GALNT14: variants seen among roughly 807,000 people sequenced by gnomAD.
The protein encoded by GALNT14 is UDP-GalNAc:polypeptide N-acetylgalactosaminyltransferase 14.
Under a neutral mutation model 77.5 loss-of-function variants are expected in GALNT14, and 60 were observed. The ratio of observed to expected loss-of-function variants is 0.77; its 90% CI spans 0.63 to 0.96. The LOEUF (loss-of-function observed/expected upper bound fraction) is 0.96, where lower values mean the gene tolerates loss of function less well. Ranked by LOEUF, GALNT14 falls within the 40% of genes least tolerant of loss-of-function variation. The pLI is 0.00. For missense variants in GALNT14, 710 were observed against 731.0 expected (o/e 0.97, Z 0.33); for synonymous variants, 280 against 281.7 (o/e 0.99, Z 0.06).
intron 11 of GALNT14, among the ~76,000 whole-genome samples, chr2:30,926,662 G>T (rs922703388): frequency 6.6e-6 from 1 of 151,902 alleles, no homozygotes; most frequent in Non-Finnish European, 1.5e-5. Context: ...CCTGCAAATG[G>T]GACCAAGCAA....
At chr2:31,031,699 C>T (rs559225546) in intron 1 of GALNT14, among the ~76,000 whole-genome samples, 2 of 152,246 alleles carry the variant, frequency 1.3e-5, no homozygotes, top group East Asian at 3.9e-4. Context: ...AAAATAAGAG[C>T]CTTTAAGTGC....
chr2:31,041,930 G>T (rs1407252609), intron 1 of GALNT14, among the ~76,000 whole-genome samples: 1 of 152,142 alleles, frequency 6.6e-6, no homozygotes, highest in Non-Finnish European at 1.5e-5. Context: ...AGAGAAACTT[G>T]ATGTTTCAGG....
In GALNT14 at chr2:30,957,621, G is replaced by A. The variant is rs559031904; in HGVS notation, c.466+776C>T. On this transcript the variant is annotated intron_variant, in intron 4 of 14. Transcript: ENST00000349752. Reference sequence around the variant, plus strand: ...CCAGAGGTTCTGAGGCAGCACCAATGGGTAGGGGTTTCCAGCCTTCGTACA... The same window carrying A: ...CCAGAGGTTCTGAGGCAGCACCAATAGGTAGGGGTTTCCAGCCTTCGTACA... Among the ~76,000 whole-genome samples, 6 of 152,302 alleles carry A rather than the reference G, an allele frequency of 3.9e-5. No individual in the cohort carries two copies. The East Asian group carries it at 1.2e-3, about 29-fold the overall frequency.
chr2:30,887,000 G>A, the GALNT14 span, among the ~76,000 whole-genome samples: 3 of 152,216 alleles, frequency 2.0e-5, no homozygotes, highest in African/African-American at 7.2e-5. Context: ...CATACAATAT[G>A]AGACCTTAGC....
intron 3 of GALNT14, among the ~76,000 whole-genome samples, chr2:30,964,245 G>A (rs1300703362): frequency 2.0e-5 from 3 of 152,154 alleles, no homozygotes; most frequent in Non-Finnish European, 4.4e-5. Flanking sequence ...CCACCATGGC[G>A]GTGGGGAAGG....
intron 6 of GALNT14, among the ~76,000 whole-genome samples, chr2:30,952,073 C>T (rs372606115): frequency 6.6e-5 from 10 of 152,162 alleles, no homozygotes; most frequent in African/African-American, 2.4e-4. Context: ...GCCATTCTCT[C>T]GGCAAGGAGC....
intron 1 of GALNT14, among the ~76,000 whole-genome samples, chr2:31,076,538 A>G (rs1385873564): frequency 1.3e-5 from 2 of 152,024 alleles, no homozygotes. Context: ...TGAGGTCACC[A>G]ACATTTCCAT....
chr2:30,901,324 A>G, the GALNT14 span, among the ~76,000 whole-genome samples: 1 of 152,074 alleles, frequency 6.6e-6, no homozygotes, highest in Non-Finnish European at 1.5e-5. Flanking sequence ...TCAGCCACCC[A>G]TATTGAGCTC....
intron 1 of GALNT14, among the ~76,000 whole-genome samples, chr2:31,102,744 A>G (rs1289221015): frequency 1.3e-5 from 2 of 152,264 alleles, no homozygotes; most frequent in East Asian, 3.9e-4. Context: ...CATGTAAATT[A>G]AAGTGATCCG....
intron 1 of GALNT14, among the ~76,000 whole-genome samples, chr2:31,058,384 C>T (rs1295028632): frequency 6.6e-6 from 1 of 151,736 alleles, no homozygotes; most frequent in Non-Finnish European, 1.5e-5. Context: ...CTCGGTGAGT[C>T]TGCTTTCATT....
At chr2:31,057,991 T>C (rs1674343556) in intron 1 of GALNT14, among the ~76,000 whole-genome samples, 1 of 152,124 alleles carries the variant, frequency 6.6e-6, no homozygotes, top group African/African-American at 2.4e-5. Flanking sequence ...CGGGGACCTC[T>C]GCCAGGGCTC....
At chr2:30,892,270 G>A in the GALNT14 span, among the ~76,000 whole-genome samples, 1 of 152,294 alleles carries the variant, frequency 6.6e-6, no homozygotes, top group African/African-American at 2.4e-5. Context: ...TGAAGGGAAA[G>A]ATGCCATCTA....
chr2:31,011,017 T>G (rs924791811), intron 1 of GALNT14, among the ~76,000 whole-genome samples: 7 of 152,190 alleles, frequency 4.6e-5, no homozygotes, highest in Non-Finnish European at 8.8e-5. Context: ...AGGCAAGCCT[T>G]GGCCTAGGCC....
intron 1 of GALNT14, among the ~76,000 whole-genome samples, chr2:31,117,487 G>C (rs561720474): frequency 6.6e-6 from 1 of 152,130 alleles, no homozygotes; most frequent in Non-Finnish European, 1.5e-5. Flanking sequence ...AAATGTAATA[G>C]GAAGGTACAT....
rs781033391 is a variant in GALNT14 at position 31,000,389 on chromosome 2, T to TA, written c.130-7383dup. ...TTTCCCATTTGTTTGCAGATTCTTG[T>TA]ATGTGTTTCTGTATTGGTCAGGGTT... is the stretch of plus-strand genomic sequence containing the variant. On this transcript the variant is annotated intron_variant, in intron 1 of 14. Coordinates refer to ENST00000349752, the MANE Select transcript of GALNT14 (RefSeq NM_024572.4). Among the ~76,000 whole-genome samples the TA allele has an allele frequency of 6.6e-5, 10 of 152,278 alleles. No homozygotes were observed. The South Asian group carries it at 1.0e-3, about 16-fold the overall frequency.
At chr2:31,000,544 T>C in intron 1 of GALNT14, among the ~76,000 whole-genome samples, 1 of 151,936 alleles carries the variant, frequency 6.6e-6, no homozygotes, top group Non-Finnish European at 1.5e-5. Context: ...CTCATGTGAT[T>C]ATGGAGGTAC....
intron 1 of GALNT14, among the ~76,000 whole-genome samples, chr2:31,082,720 A>G (rs1676216717): frequency 6.6e-6 from 1 of 152,154 alleles, no homozygotes; most frequent in Non-Finnish European, 1.5e-5. Context: ...AGGAAGAAAT[A>G]ATGATAAAAA....
At chr2:31,064,805 T>G (rs1200065908) in intron 1 of GALNT14, among the ~76,000 whole-genome samples, 1 of 151,984 alleles carries the variant, frequency 6.6e-6, no homozygotes, top group Non-Finnish European at 1.5e-5. Context: ...TGAAGGGGAC[T>G]GGGGAAGAAG....
At chr2:30,912,769 G>T (rs1664445873) in intron 13 of GALNT14, among the ~76,000 whole-genome samples, 1 of 152,186 alleles carries the variant, frequency 6.6e-6, no homozygotes, top group South Asian at 2.1e-4. Flanking sequence ...GATATCTTTA[G>T]ACTCTCCCCT....
Sources: allele counts gnomAD v4.1 joint callset (sites outside exome capture counted in the v4.1 genomes callset), GRCh38; gene constraint gnomAD v4.1.1; transcripts MANE v1.5; gene names NCBI Gene and HGNC (gene_info 2026-07-23, HGNC 2026-07-21).